Variants in MROH1 observed in about 807,000 individuals in gnomAD.
MROH1 encodes the protein maestro heat-like repeat-containing protein family member 1.
In MROH1, 117 loss-of-function variants were observed where a neutral mutation model predicts 116.5. That is an observed-to-expected ratio of 1.00 (90% confidence interval 0.86 to 1.17). The LOEUF is 1.17. Among genes scored for constraint, MROH1 ranks in the 50% most tolerant of loss-of-function variants. The pLI is 0.00. For missense variants in MROH1, 1,873 were observed against 1,338.5 expected, an observed-to-expected ratio of 1.40 and a Z score of -6.23; for synonymous variants, 921 against 583.9, an observed-to-expected ratio of 1.58 and a Z score of -8.32.
chr8:144,188,656 C>T (rs760594140), intron 7 of MROH1, among the ~76,000 whole-genome samples: 44 of 151,952 alleles, frequency 2.9e-4, no homozygotes, highest in African/African-American at 9.2e-4. Flanking sequence ...TTAGTACAGA[C>T]GGGGTGTCAA....
At chr8:144,234,670 C>G (rs1439979410) in intron 14 of MROH1, among the ~76,000 whole-genome samples, 1 of 149,058 alleles carries the variant, frequency 6.7e-6, no homozygotes, top group South Asian at 2.1e-4. Flanking sequence ...GCGCCCACCA[C>G]CATGTCTGGC....
chr8:144,241,450 C>G lies in MROH1; in HGVS notation c.2111C>G (p.Ala704Gly). Residue 704 changes from alanine (A) to glycine (G), a missense_variant, in exon 22 of 44, where the codon GCC (alanine) becomes GGC (glycine). By Grantham distance (60) the Ala-to-Gly change is moderately conservative. Transcript: ENST00000326134. Reference sequence around the variant, plus strand: ...ATCTCCCACCTCGAGGACACGCTGGCCCAGCTGGAGGACTTCGTGAGGTCA... The same window carrying G: ...ATCTCCCACCTCGAGGACACGCTGGGCCAGCTGGAGGACTTCGTGAGGTCA... Reference protein sequence around the residue: ...CAISHLEDTLAQLEDFVRSEV... With the variant: ...CAISHLEDTLGQLEDFVRSEV... The G allele has an allele frequency of 3.9e-6, 3 of 778,670 alleles. No homozygotes were observed. The East Asian group carries it at 7.3e-5, about 19-fold the overall frequency. The allele number at this position is 778,670 out of a possible 1,614,324, so 48.2% of individuals were successfully genotyped here.
intron 1 of MROH1, among the ~76,000 whole-genome samples, chr8:144,152,586 G>A (rs1817090489): frequency 6.8e-6 from 1 of 147,430 alleles, no homozygotes; most frequent in Middle Eastern, 3.5e-3. Flanking sequence ...TCGCTCTGTC[G>A]CCCAGGCTGG....
chr8:144,239,161 A>G lies in MROH1; in HGVS notation c.1573A>G (p.Ile525Val), dbSNP rs1840536145. ...GGAGGCCGGGGCCGACGCCTTCCTC[A>G]TCCAGTACGACGCCCATGGTGCGTG... ...RQEAGADAFL[I>V]QYDAHASLPS... The change falls in exon 16 of 44, where the codon ATC (isoleucine) becomes GTC (valine). Residue 525 changes from isoleucine to valine, a missense_variant. Transcript: ENST00000326134. 3 of 766,060 alleles carry G rather than the reference A, an allele frequency of 3.9e-6. No homozygotes were observed. The highest frequency in any genetic ancestry group is 7.2e-6 in the Non-Finnish European group (3 of 416,544). The allele number at this position is 766,060 out of a possible 1,614,324, so 47.5% of individuals were successfully genotyped here. A position where few individuals can be genotyped will look rare whatever the true frequency, so the allele number is the denominator to read the frequency against.
chr8:144,258,087 G>A (rs1844248012), intron 35 of MROH1, among the ~76,000 whole-genome samples: 2 of 152,326 alleles, frequency 1.3e-5, no homozygotes, highest in Admixed American at 1.3e-4. Context: ...TCGATGCCAG[G>A]CTCAAGCTGG....
intron 12 of MROH1, among the ~76,000 whole-genome samples, chr8:144,203,931 G>GTT (rs1832259741): frequency 2.0e-5 from 3 of 152,088 alleles, no homozygotes; most frequent in African/African-American, 7.2e-5. Context: ...GCTTTTCAGC[G>GTT]TTCACTTTGT....
rs771253346 is a variant in MROH1 at position 144,180,397 on chromosome 8, A to AGGCCTTTGACGGT, written c.464-26_464-14dup. ...CACGGGGCGCTGGAAGCCTTGGCGG[A>AGGCCTTTGACGGT]GGCCTTTGACGGTGTCCTCTCTCAC... On this transcript the variant is annotated intron_variant, in intron 6 of 43. Transcript: ENST00000326134. This position sits in a 1 kb window ranked among gnomAD's most constrained non-coding sequence, Gnocchi z 7.4. 37 of 1,611,894 alleles carry AGGCCTTTGACGGT rather than the reference A, an allele frequency of 2.3e-5. No individual in the cohort carries two copies. The Admixed American group carries it at 3.5e-4, about 15-fold the overall frequency.
chr8:144,245,347 C>T (rs1450797566), intron 29 of MROH1, 87 bp downstream of exon 29: 15 of 742,508 alleles, frequency 2.0e-5, no homozygotes, highest in Non-Finnish European at 2.9e-5. Flanking sequence ...TTCCTCTGGC[C>T]GCCGCCCCAG....
At chr8:144,256,685 C>T (rs2129736814) in intron 35 of MROH1, among the ~76,000 whole-genome samples, 1 of 152,350 alleles carries the variant, frequency 6.6e-6, no homozygotes, top group East Asian at 1.9e-4. Flanking sequence ...GGGACGATTG[C>T]AGAGCCTGGT....
chr8:144,189,674 C>T (rs1828071402), intron 7 of MROH1, among the ~76,000 whole-genome samples: 1 of 152,234 alleles, frequency 6.6e-6, no homozygotes, highest in Non-Finnish European at 1.5e-5. Flanking sequence ...CGTGGGAGGG[C>T]CTCATGCTGA....
At chr8:144,185,784 C>T (rs1243030383) in intron 7 of MROH1, among the ~76,000 whole-genome samples, 3 of 70,420 alleles carry the variant, frequency 4.3e-5, no homozygotes, top group South Asian at 6.8e-4. Context: ...GTGCGGGGAC[C>T]GTGGGGGGAG....
intron 12 of MROH1, among the ~76,000 whole-genome samples, chr8:144,201,691 G>T (rs1831181034): frequency 6.6e-6 from 1 of 152,168 alleles, no homozygotes; most frequent in Non-Finnish European, 1.5e-5. Context: ...GTCACATAGA[G>T]TTCTGGGACA....
At chr8:144,173,843 C>T (rs554083894) in intron 4 of MROH1, among the ~76,000 whole-genome samples, 59 of 152,270 alleles carry the variant, frequency 3.9e-4, no homozygotes, top group Admixed American at 1.1e-3. Context: ...TTTGGCGGTT[C>T]CTGAGCTCTT....
intron 1 of MROH1, among the ~76,000 whole-genome samples, chr8:144,157,815 C>A (rs1469506727): frequency 6.6e-6 from 1 of 150,494 alleles, no homozygotes; most frequent in Non-Finnish European, 1.5e-5. Flanking sequence ...GTAGCTGGGA[C>A]TACAGGTGGG....
At chr8:144,231,554 C>T (rs1029216696) in intron 14 of MROH1, among the ~76,000 whole-genome samples, 13 of 152,136 alleles carry the variant, frequency 8.5e-5, no homozygotes, top group African/African-American at 2.2e-4. Context: ...GAGTGGCTGG[C>T]CAGTGGGTCA....
chr8:144,228,038 C>A (rs978210240), intron 14 of MROH1, among the ~76,000 whole-genome samples: 5 of 151,966 alleles, frequency 3.3e-5, no homozygotes, highest in Admixed American at 1.3e-4. Context: ...TTGAGACCAG[C>A]CTGGACAATG....
In MROH1 at chr8:144,260,741, G is replaced by A. The variant is rs1275106357; in HGVS notation, c.4445G>A (p.Gly1482Glu). The A allele has an allele frequency of 9.0e-6, 7 of 779,386 alleles. No individual in the cohort carries two copies. The highest frequency in any genetic ancestry group is 1.4e-5 in the Non-Finnish European group (6 of 417,804). The allele number at this position is 779,386 out of a possible 1,614,324, so 48.3% of individuals were successfully genotyped here. ...LFGHLNKVCH[G>E]DCEDVFLDQV... ...GGGCACCTTAACAAGGTCTGCCACG[G>A]AGACTGTGAGGACGTCTTCCTGGAC... is the stretch of plus-strand genomic sequence containing the variant. Residue 1482 changes from glycine (G) to glutamate (E), a missense_variant, in exon 40 of 44, where the codon GGA (glycine) becomes GAA (glutamate). Physicochemically the swap from Gly to Glu is moderately conservative, Grantham distance 98. Coordinates refer to ENST00000326134, the MANE Select transcript of MROH1 (RefSeq NM_032450.3).
intron 10 of MROH1, 45 bp from the exon 11 acceptor site, chr8:144,199,077 T>G (rs1830526786): frequency 1.3e-6 from 2 of 1,581,728 alleles, no homozygotes; most frequent in Non-Finnish European, 1.7e-6. Context: ...GAATCCTTCC[T>G]TCTGGCCTCT....
At chr8:144,186,120 A>T (rs941564876) in intron 7 of MROH1, among the ~76,000 whole-genome samples, 3 of 137,242 alleles carry the variant, frequency 2.2e-5, no homozygotes, top group South Asian at 2.3e-4. Flanking sequence ...ACAGTTTCCA[A>T]TTTTTTTTTT....
Sources: gnomAD v4.1 joint callset for allele counts (sites outside exome capture counted in the v4.1 genomes callset) on GRCh38, gnomAD v4.1.1 for gene constraint, Gnocchi (gnomAD v3.1) non-coding constraint, MANE v1.5 for transcripts, NCBI Gene and HGNC (gene_info 2026-07-23, HGNC 2026-07-21) for gene names.